The following NPAS3 variants were observed in gnomAD, a reference collection of about 807,000 sequenced individuals.
NPAS3 encodes neuronal PAS domain protein 3.
Under a neutral mutation model 73.1 loss-of-function variants are expected in NPAS3, and 14 were observed. The ratio of observed to expected loss-of-function variants is 0.19; its 90% CI spans 0.13 to 0.30. The LOEUF (loss-of-function observed/expected upper bound fraction) is 0.30. Ranked by LOEUF, NPAS3 falls within the 10% of genes least tolerant of loss-of-function variation. NPAS3 has a pLI of 1.00. For synonymous variants in NPAS3, 620 were observed against 541.5 expected (o/e 1.14, Z -2.01); for missense variants, 1,096 against 1,250.0 (o/e 0.88, Z 1.86).
intron 1 of NPAS3, among the ~76,000 whole-genome samples, chr14:33,031,636 G>A (rs187910369): frequency 6.6e-5 from 10 of 152,268 alleles, no homozygotes; most frequent in South Asian, 2.1e-4. Context: ...GGGACCACAC[G>A]TGTGCACCAC....
intron 1 of NPAS3, among the ~76,000 whole-genome samples, chr14:33,016,503 A>C (rs1429181916): frequency 6.6e-6 from 1 of 151,978 alleles, no homozygotes; most frequent in Non-Finnish European, 1.5e-5. Context: ...ACTGATACCC[A>C]AAGAAAAAGA....
intron 1 of NPAS3, among the ~76,000 whole-genome samples, chr14:32,951,121 C>A (rs1032861780): frequency 6.6e-6 from 1 of 152,054 alleles, no homozygotes; most frequent in African/African-American, 2.4e-5. Context: ...TGTCAGTCTT[C>A]CATTATCTTT....
At chr14:33,592,101 C>G (rs2057089043) in intron 5 of NPAS3, among the ~76,000 whole-genome samples, 1 of 152,136 alleles carries the variant, frequency 6.6e-6, no homozygotes, top group South Asian at 2.1e-4. Context: ...CATTAACACA[C>G]CTTATTCACA....
At chr14:32,981,404 C>T (rs1262420955) in intron 1 of NPAS3, among the ~76,000 whole-genome samples, 1 of 151,960 alleles carries the variant, frequency 6.6e-6, no homozygotes, top group African/African-American at 2.4e-5. Flanking sequence ...TCTTTGAGTC[C>T]AATATAGAAA....
At chr14:33,561,319 T>TAG (rs745353180) in intron 5 of NPAS3, among the ~76,000 whole-genome samples, 1 of 152,036 alleles carries the variant, frequency 6.6e-6, no homozygotes, top group Non-Finnish European at 1.5e-5. Flanking sequence ...TGGAAAATAA[T>TAG]AGAGAGAGAG....
At chr14:33,463,182 A>G (rs1292602943) in intron 4 of NPAS3, among the ~76,000 whole-genome samples, 1 of 152,222 alleles carries the variant, frequency 6.6e-6, no homozygotes, top group Non-Finnish European at 1.5e-5. Flanking sequence ...TATGAGCATT[A>G]CATCTTGGCC....
chr14:33,401,230 T>C (rs999428903), intron 4 of NPAS3, among the ~76,000 whole-genome samples: 2 of 152,158 alleles, frequency 1.3e-5, no homozygotes, highest in East Asian at 1.9e-4. Context: ...TCTTCAGGCA[T>C]TGGTGGCCAA....
intron 6 of NPAS3, among the ~76,000 whole-genome samples, chr14:33,700,850 A>T (rs2060505818): frequency 6.6e-6 from 1 of 152,216 alleles, no homozygotes; most frequent in African/African-American, 2.4e-5. Flanking sequence ...CCACACGTTT[A>T]AACCCAGTGT....
At chr14:33,780,548 A>C (rs2062946817) in intron 9 of NPAS3, 3 of 300,302 alleles carry the variant, frequency 1.0e-5, no homozygotes, top group Non-Finnish European at 2.0e-5. Flanking sequence ...TGAGGCTGAC[A>C]AAAAAAAAAG....
intron 6 of NPAS3, among the ~76,000 whole-genome samples, chr14:33,723,628 G>A (rs4981206): frequency 0.2 from 30,174 of 151,040 alleles, 3,669 homozygotes; most frequent in Admixed American, 0.39. Context: ...GAATGTCCCT[G>A]TATGAAGGAG....
chr14:33,647,801 T>C (rs947181809), intron 5 of NPAS3, among the ~76,000 whole-genome samples: 1 of 152,154 alleles, frequency 6.6e-6, no homozygotes, highest in Non-Finnish European at 1.5e-5. Context: ...TGGTTTCAGC[T>C]GCTTTTTCCT....
chr14:33,707,336 CTTCTT>C (rs747845349), intron 6 of NPAS3, among the ~76,000 whole-genome samples: 1 of 148,358 alleles, frequency 6.7e-6, no homozygotes, highest in Non-Finnish European at 1.5e-5. Flanking sequence ...GTTTCTTTTT[CTTCTT>C]TTTTTTTTTC....
intron 4 of NPAS3, among the ~76,000 whole-genome samples, chr14:33,481,315 A>G (rs1318033243): frequency 2.0e-5 from 3 of 152,230 alleles, no homozygotes; most frequent in Non-Finnish European, 4.4e-5. Context: ...AACGGAGTCT[A>G]TCAGTGCTGC....
chr14:33,603,758 G>A (rs761462893), intron 5 of NPAS3, among the ~76,000 whole-genome samples: 67 of 152,212 alleles, frequency 4.4e-4, no homozygotes, highest in Admixed American at 7.8e-4. Flanking sequence ...AAACAGCAAC[G>A]GGAGTGAATA....
intron 3 of NPAS3, among the ~76,000 whole-genome samples, chr14:33,279,107 C>G (rs916863533): frequency 2.0e-5 from 3 of 152,150 alleles, no homozygotes; most frequent in Non-Finnish European, 2.9e-5. Flanking sequence ...GGGTCCCACC[C>G]TCAGGGTTGC....
chr14:33,675,101 C>A (rs1422016696), intron 5 of NPAS3, among the ~76,000 whole-genome samples: 3 of 152,142 alleles, frequency 2.0e-5, no homozygotes, highest in Admixed American at 2.0e-4. Flanking sequence ...GAAGCTCTGG[C>A]AGCTTCCATG....
At chr14:33,175,824 G>C (rs1053622270) in intron 2 of NPAS3, among the ~76,000 whole-genome samples, 9 of 17,786 alleles carry the variant, frequency 5.1e-4, no homozygotes, top group Admixed American at 1.1e-3. Context: ...TTTGTAAAAC[G>C]TTATCATTTT....
rs886065602 is a variant in NPAS3 at position 33,418,338 on chromosome 14, C to T, written c.468+51070C>T. The stretch of plus-strand genomic sequence containing the variant: ...CGGATACCTGCTTTGGAAAGAAACC[C>T]GAGTTTGCCATGAAGAATGATAATA... On this transcript the variant is annotated intron_variant, in intron 4 of 11. Coordinates refer to ENST00000356141, the Ensembl canonical transcript of NPAS3. Among the ~76,000 whole-genome samples, 8 of 151,974 alleles carry T rather than the reference C, an allele frequency of 5.3e-5. No homozygotes were observed. The East Asian group carries it at 5.8e-4, about 11-fold the overall frequency.
At chr14:33,315,449 A>G (rs2043170253) in intron 3 of NPAS3, among the ~76,000 whole-genome samples, 1 of 151,870 alleles carries the variant, frequency 6.6e-6, no homozygotes, top group Admixed American at 6.6e-5. Context: ...AGAGAGTAAT[A>G]TAGCAGGCAT....
Sources: gnomAD v4.1 joint callset for allele counts (sites outside exome capture counted in the v4.1 genomes callset) on GRCh38, gnomAD v4.1.1 for gene constraint, MANE v1.5 for transcripts, NCBI Gene and HGNC (gene_info 2026-07-23, HGNC 2026-07-21) for gene names.